Variants in GPR158 observed in about 807,000 individuals in gnomAD.
GPR158 encodes the protein metabotropic glycine receptor.
In GPR158, 30 loss-of-function variants were observed where a neutral mutation model predicts 78.2. The observed-to-expected ratio is 0.38, with a 90% CI of 0.29 to 0.52. The LOEUF is 0.52. Ranked by LOEUF, GPR158 falls within the 20% of genes least tolerant of loss-of-function variation. The pLI is 0.83. For missense variants in GPR158, 1,463 were observed against 1,523.5 expected (o/e 0.96, Z 0.66); for synonymous variants, 581 against 591.1 (o/e 0.98, Z 0.25).
intron 2 of GPR158, among the ~76,000 whole-genome samples, chr10:25,256,428 G>A (rs910461971): frequency 4.0e-4 from 61 of 152,152 alleles, no homozygotes; most frequent in Non-Finnish European, 5.9e-5. Context: ...GAGGTAGGAA[G>A]ATCACGCGAG....
intron 3 of GPR158, among the ~76,000 whole-genome samples, chr10:25,410,785 G>A (rs1308258762): frequency 6.6e-6 from 1 of 152,140 alleles, no homozygotes; most frequent in Non-Finnish European, 1.5e-5. Context: ...TTTTCATCAT[G>A]TAACAGAATG....
At chr10:25,319,083 G>A (rs1357853154) in intron 2 of GPR158, among the ~76,000 whole-genome samples, 1 of 152,148 alleles carries the variant, frequency 6.6e-6, no homozygotes, top group Non-Finnish European at 1.5e-5. Flanking sequence ...TTGCTCCAAG[G>A]GAACTAAGCT....
At chr10:25,576,866 T>C (rs1054509375) in intron 7 of GPR158, among the ~76,000 whole-genome samples, 6 of 152,064 alleles carry the variant, frequency 3.9e-5, no homozygotes, top group Admixed American at 6.6e-5. Context: ...GGAAGTTAAA[T>C]TTTTGATGGT....
chr10:25,213,702 C>T (rs536588415), intron 1 of GPR158, among the ~76,000 whole-genome samples: 5 of 151,834 alleles, frequency 3.3e-5, no homozygotes, highest in Admixed American at 6.6e-5. Flanking sequence ...TGGTAGAATT[C>T]GTATATAAAG....
chr10:25,490,889 C>T (rs1445324382), intron 5 of GPR158, among the ~76,000 whole-genome samples: 5 of 151,920 alleles, frequency 3.3e-5, no homozygotes, highest in South Asian at 2.1e-4. Context: ...CAAAATAATA[C>T]GCAACCCAAC....
At chr10:25,508,557 G>A (rs184391723) in intron 5 of GPR158, among the ~76,000 whole-genome samples, 5 of 152,230 alleles carry the variant, frequency 3.3e-5, no homozygotes, top group East Asian at 1.9e-4. Flanking sequence ...GTATGCTGGC[G>A]GACGCTAGCT....
rs4017850 is a variant in GPR158, at chr10:25,526,103, TAAAAAAAAAAAAAAA to T, written c.1405-24859_1405-24845del. ...GCCTGGGCGACAGTCCAATTTTGTC[TAAAAAAAAAAAAAAA>T]AAAAAAAAAAAAAGTCATAGCAATT... On this transcript the variant is annotated intron_variant, in intron 5 of 10. Coordinates refer to ENST00000376351, the MANE Select transcript of GPR158 (RefSeq NM_020752.3). Among the ~76,000 whole-genome samples, 157 of 69,222 alleles carry T rather than the reference TAAAAAAAAAAAAAAA, an allele frequency of 2.3e-3. 2 individuals carry two copies. The East Asian group carries it at 0.073, about 32-fold the overall frequency. The allele number at this position is 69,222 out of a possible 152,430, so 45.4% of individuals were successfully genotyped here.
chr10:25,367,302 G>T (rs1855738080), intron 2 of GPR158, among the ~76,000 whole-genome samples: 1 of 151,266 alleles, frequency 6.6e-6, no homozygotes, highest in South Asian at 2.1e-4. Flanking sequence ...TTGGGTACAT[G>T]GATTTTTTTT....
At chr10:25,372,069 A>C (rs1458151675) in intron 2 of GPR158, among the ~76,000 whole-genome samples, 1 of 141,842 alleles carries the variant, frequency 7.1e-6, no homozygotes, top group African/African-American at 2.7e-5. Context: ...CACTTCTCAA[A>C]AGAAGACATT....
chr10:25,503,758 C>T (rs757545430), intron 5 of GPR158, among the ~76,000 whole-genome samples: 1 of 149,630 alleles, frequency 6.7e-6, no homozygotes, highest in Non-Finnish European at 1.5e-5. Flanking sequence ...TCTGGTCTAC[C>T]CACAGCTCCC....
chr10:25,257,203 C>T (rs934860778), intron 2 of GPR158, among the ~76,000 whole-genome samples: 2 of 152,158 alleles, frequency 1.3e-5, no homozygotes, highest in African/African-American at 4.8e-5. Flanking sequence ...GCTGAACTCA[C>T]CCTTTTTATC....
At chr10:25,246,272 T>G (rs1332027924) in intron 2 of GPR158, among the ~76,000 whole-genome samples, 1 of 152,196 alleles carries the variant, frequency 6.6e-6, no homozygotes, top group Non-Finnish European at 1.5e-5. Context: ...ATATAAATAT[T>G]ATCCTGGAAA....
At chr10:25,552,812 C>A (rs141442203) in intron 6 of GPR158, among the ~76,000 whole-genome samples, 2 of 152,144 alleles carry the variant, frequency 1.3e-5, no homozygotes, top group Non-Finnish European at 2.9e-5. Flanking sequence ...CTGTGGTCTG[C>A]GAGAGTATGT....
Position 25,598,827 on chromosome 10 carries a change from T to C in GPR158, c.3201T>C (p.Asp1067=). 6.2e-7 allele frequency: 1 copy of C among 1,614,120 alleles called. No individual in the cohort carries two copies. The highest frequency in any genetic ancestry group is 1.1e-5 in the South Asian group (1 of 91,074). The change falls in exon 11 of 11, where the codon GAT becomes GAC. Residue 1067 remains aspartate (D), a synonymous_variant. Transcript: ENST00000376351. ...VCQQSNQKRI[D]KAEVCLWESQ... is the part of the protein sequence containing the mutation. ...AGCAATCCAATCAGAAGCGCATAGA[T>C]AAGGCTGAAGTATGCCTTTGGGAGA...
intron 5 of GPR158, among the ~76,000 whole-genome samples, chr10:25,477,500 G>T (rs2130631676): frequency 6.6e-6 from 1 of 152,080 alleles, no homozygotes; most frequent in South Asian, 2.1e-4. Context: ...TCTCCAAAGA[G>T]CCCTGGTTCT....
chr10:25,409,209 G>A (rs1834555437), intron 3 of GPR158, among the ~76,000 whole-genome samples: 1 of 152,030 alleles, frequency 6.6e-6, no homozygotes, highest in Non-Finnish European at 1.5e-5. Flanking sequence ...ATGAAAAGAA[G>A]CCTAAAACTG....
chr10:25,223,357 G>A (rs1025514550), intron 2 of GPR158, among the ~76,000 whole-genome samples: 1 of 152,066 alleles, frequency 6.6e-6, no homozygotes, highest in Admixed American at 6.6e-5. Flanking sequence ...TCTTTGTGTC[G>A]TGGGCTATGC....
intron 5 of GPR158, among the ~76,000 whole-genome samples, chr10:25,521,320 G>A (rs1267601434): frequency 1.3e-5 from 2 of 152,166 alleles, no homozygotes; most frequent in Non-Finnish European, 1.5e-5. Context: ...GAAATCACCC[G>A]TCTTCTGCGT....
At chr10:25,327,470 G>T (rs1447499212) in intron 2 of GPR158, among the ~76,000 whole-genome samples, 1 of 152,156 alleles carries the variant, frequency 6.6e-6, no homozygotes, top group Non-Finnish European at 1.5e-5. Context: ...CCTCACAAGG[G>T]AACCGTTGAA....
Sources: allele counts gnomAD v4.1 joint callset (sites outside exome capture counted in the v4.1 genomes callset), GRCh38; gene constraint gnomAD v4.1.1; transcripts MANE v1.5; gene names NCBI Gene and HGNC (gene_info 2026-07-23, HGNC 2026-07-21).